The following UPP2 variants were observed in gnomAD, a reference collection of about 807,000 sequenced individuals.
The protein encoded by UPP2 is UPase 2.
A neutral mutation model predicts 26.7 loss-of-function variants in UPP2; 23 were observed. The ratio of observed to expected loss-of-function variants is 0.86; its 90% confidence interval spans 0.62 to 1.22. UPP2 has a LOEUF of 1.22. UPP2 is among the 50% of genes most tolerant of loss of function. The pLI is 0.00. For missense variants in UPP2, 387 were observed against 396.7 expected, an observed-to-expected ratio of 0.98 and a Z score of 0.21; for synonymous variants, 127 against 141.3, an observed-to-expected ratio of 0.90 and a Z score of 0.72.
chr2:158,018,160 G>A (rs1052555714), intron 3 of UPP2, among the ~76,000 whole-genome samples: 2 of 152,204 alleles, frequency 1.3e-5, no homozygotes, highest in African/African-American at 4.8e-5. Flanking sequence ...CGTATGTGGT[G>A]TCATAGTAAG....
intron 3 of UPP2, among the ~76,000 whole-genome samples, chr2:158,032,786 G>A (rs1051170299): frequency 1.8e-4 from 27 of 152,282 alleles, no homozygotes; most frequent in African/African-American, 6.3e-4. Context: ...GGTTATTGAA[G>A]TAAATCCTCT....
At chr2:158,122,541 C>G (rs1683592264) in intron 5 of UPP2, among the ~76,000 whole-genome samples, 1 of 152,068 alleles carries the variant, frequency 6.6e-6, no homozygotes, top group South Asian at 2.1e-4. Flanking sequence ...GGGTCACTCA[C>G]TGATATGTTA....
chr2:158,109,502 T>C (rs929643966), intron 2 of UPP2, among the ~76,000 whole-genome samples: 1 of 152,180 alleles, frequency 6.6e-6, no homozygotes, highest in Non-Finnish European at 1.5e-5. Context: ...AGGCATAAAT[T>C]GCTGTTTCCC....
At position 158,002,750 on chromosome 2, in the gene UPP2, T is replaced by C. The variant is rs538817664; in HGVS notation, c.61+7491T>C. Among the ~76,000 whole-genome samples the C allele has an allele frequency of 2.6e-5, 4 of 152,332 alleles. No individual in the cohort carries two copies. In the South Asian group the frequency reaches 8.3e-4, roughly 32 times the overall value. On this transcript the variant is annotated intron_variant, in intron 2 of 9. Coordinates refer to the UPP2 transcript ENST00000605860. Reference sequence around the variant, plus strand: ...CATTGCTGTGTTGCTATTGTAAGGATGGAAAAAAATAGAACCATTTTAATG... The same window carrying C: ...CATTGCTGTGTTGCTATTGTAAGGACGGAAAAAAATAGAACCATTTTAATG...
chr2:158,120,226 T>C (rs895275110), intron 4 of UPP2, among the ~76,000 whole-genome samples: 2 of 151,936 alleles, frequency 1.3e-5, no homozygotes, highest in African/African-American at 4.8e-5. Flanking sequence ...GACAAGACAG[T>C]ACATATTTTA....
chr2:158,066,458 C>G (rs911935263), intron 3 of UPP2, among the ~76,000 whole-genome samples: 2 of 152,136 alleles, frequency 1.3e-5, no homozygotes, highest in Non-Finnish European at 1.5e-5. Flanking sequence ...TTTTTAGTAC[C>G]ATACAGAACT....
At chr2:158,022,955 G>C (rs1342793484) in intron 3 of UPP2, among the ~76,000 whole-genome samples, 3 of 152,132 alleles carry the variant, frequency 2.0e-5, no homozygotes, top group Non-Finnish European at 4.4e-5. Flanking sequence ...CATAGGGAAT[G>C]GTGGAGTCTC....
intron 6 of UPP2, among the ~76,000 whole-genome samples, chr2:158,130,378 G>A (rs1683789348): frequency 6.6e-6 from 1 of 151,076 alleles, no homozygotes. Flanking sequence ...GTGAACCCAG[G>A]AGGCAGAGCT....
At chr2:158,105,007 G>A (rs1293159722) in intron 1 of UPP2, among the ~76,000 whole-genome samples, 1 of 10,156 alleles carries the variant, frequency 9.8e-5, no homozygotes. Context: ...GAGGGGAGGG[G>A]AGGGGAGGGG....
At chr2:158,088,239 G>A (rs1437584968) in intron 3 of UPP2, among the ~76,000 whole-genome samples, 1 of 152,098 alleles carries the variant, frequency 6.6e-6, no homozygotes, top group Non-Finnish European at 1.5e-5. Context: ...TTGTCTTCGA[G>A]CTCTGAAGTT....
intron 3 of UPP2, among the ~76,000 whole-genome samples, chr2:158,027,861 C>T (rs951179255): frequency 1.3e-5 from 2 of 152,192 alleles, no homozygotes; most frequent in Non-Finnish European, 2.9e-5. Flanking sequence ...TGGAAGCTCC[C>T]AAGGTTTGGG....
chr2:158,077,757 C>G (rs748555923), intron 3 of UPP2, among the ~76,000 whole-genome samples: 3 of 151,932 alleles, frequency 2.0e-5, no homozygotes, highest in Non-Finnish European at 4.4e-5. Flanking sequence ...CACAGGCAAC[C>G]AAAGCAAAAA....
chr2:158,077,054 G>T (rs114919127), intron 3 of UPP2, among the ~76,000 whole-genome samples: 13 of 151,908 alleles, frequency 8.6e-5, no homozygotes, highest in Middle Eastern at 3.4e-3. Context: ...AAACAAAAAA[G>T]TAATCTTATT....
At chr2:158,049,924 T>C (rs1348684099) in intron 3 of UPP2, among the ~76,000 whole-genome samples, 1 of 152,244 alleles carries the variant, frequency 6.6e-6, no homozygotes, top group East Asian at 1.9e-4. Context: ...AGCTCTTATG[T>C]GATTTCACTT....
At chr2:158,067,093 A>G (rs1046262002) in intron 3 of UPP2, among the ~76,000 whole-genome samples, 3 of 152,150 alleles carry the variant, frequency 2.0e-5, no homozygotes, top group Non-Finnish European at 4.4e-5. Flanking sequence ...CTTGCAAAAA[A>G]AAGAAGCAGG....
chr2:158,117,828 G>A lies in UPP2; in HGVS notation c.344G>A (p.Gly115Asp), dbSNP rs949766164. 6.2e-7 allele frequency: 1 copy of A among 1,608,738 alleles called. No individual in the cohort carries two copies. The highest frequency in any genetic ancestry group is 1.3e-5 in the African/African-American group (1 of 74,810). The part of the protein sequence containing the change: ...KTGPVLAISH[G>D]MGIPSISIML... ...ACTTTCTCTTTCTCTCAATAGCACG[G>A]CATGGGCATCCCCTCCATTTCTATT... Residue 115 changes from glycine to aspartate, a missense_variant, in exon 4 of 7, where the codon GGC (glycine) becomes GAC (aspartate). Gly to Asp is a moderately conservative substitution (Grantham distance 94). Coordinates refer to ENST00000005756, the MANE Select transcript of UPP2 (RefSeq NM_173355.4).
intron 3 of UPP2, among the ~76,000 whole-genome samples, chr2:158,036,383 T>C (rs1219786526): frequency 6.6e-6 from 1 of 152,198 alleles, no homozygotes; most frequent in African/African-American, 2.4e-5. Flanking sequence ...GGTGGAGACA[T>C]TGATGCCTCC....
intron 3 of UPP2, among the ~76,000 whole-genome samples, chr2:158,043,463 C>T (rs1162162715): frequency 6.6e-6 from 1 of 152,162 alleles, no homozygotes; most frequent in Non-Finnish European, 1.5e-5. Flanking sequence ...CATCCAGATG[C>T]CTCCTACCTT....
intron 3 of UPP2, among the ~76,000 whole-genome samples, chr2:158,047,335 C>A (rs1215839677): frequency 2.0e-5 from 3 of 152,180 alleles, no homozygotes; most frequent in Admixed American, 2.0e-4. Context: ...TAGCTGATGG[C>A]AAAGCCACAT....
Sources: gnomAD v4.1 joint callset for allele counts (sites outside exome capture counted in the v4.1 genomes callset) on GRCh38, gnomAD v4.1.1 for gene constraint, MANE v1.5 for transcripts, NCBI Gene and HGNC (gene_info 2026-07-23, HGNC 2026-07-21) for gene names.